NTM: variants seen among roughly 807,000 people sequenced by gnomAD.
NTM encodes neurotrimin.
In NTM, 13 loss-of-function variants were observed where a neutral mutation model predicts 42.1. The ratio of observed to expected loss-of-function variants is 0.31; its 90% CI spans 0.20 to 0.49. NTM has a LOEUF of 0.49. Ranked by LOEUF, NTM falls within the 20% of genes least tolerant of loss-of-function variation. The pLI is 0.99. For synonymous variants in NTM, 187 were observed against 179.2 expected, an observed-to-expected ratio of 1.04 and a Z score of -0.35; for missense variants, 373 against 452.8, an observed-to-expected ratio of 0.82 and a Z score of 1.60.
At chr11:131,579,663 G>T (rs2058229284) in intron 1 of NTM, among the ~76,000 whole-genome samples, 1 of 152,182 alleles carries the variant, frequency 6.6e-6, no homozygotes, top group African/African-American at 2.4e-5. Context: ...TGCTCATTTT[G>T]CTGCCAAGGA....
intron 1 of NTM, among the ~76,000 whole-genome samples, chr11:131,864,237 G>A (rs1592355110): frequency 1.3e-5 from 2 of 152,146 alleles, no homozygotes; most frequent in East Asian, 3.9e-4. Context: ...AACGAAAGAC[G>A]AAACAAATCC....
chr11:132,044,122 G>A (rs1302396321), intron 2 of NTM, among the ~76,000 whole-genome samples: 1 of 130,670 alleles, frequency 7.7e-6, no homozygotes, highest in Non-Finnish European at 1.7e-5. Flanking sequence ...GTGTATGTGT[G>A]TGTATATATG....
intron 2 of NTM, among the ~76,000 whole-genome samples, chr11:131,935,358 T>G (rs1403400703): frequency 6.6e-6 from 1 of 152,242 alleles, no homozygotes; most frequent in Non-Finnish European, 1.5e-5. Flanking sequence ...TACTTAACAC[T>G]GATTCAGAAT....
chr11:132,077,812 G>A (rs148459083), intron 2 of NTM, among the ~76,000 whole-genome samples: 101 of 152,294 alleles, frequency 6.6e-4, no homozygotes, highest in East Asian at 9.7e-4. Context: ...TGTTGCCCAT[G>A]CTGGTCTCAA....
In NTM at chr11:132,075,381, T is replaced by C. The variant is rs538260171; in HGVS notation, c.168-70901T>C. Among the ~76,000 whole-genome samples the C allele has an allele frequency of 2.0e-5, 3 of 152,366 alleles. No individual in the cohort carries two copies. In the South Asian group the frequency reaches 6.2e-4, roughly 32 times the overall value. The stretch of plus-strand genomic sequence containing the variant: ...TATTAAAATGTGAAAACATATTTTG[T>C]AAAACTAAGGTGCAACAATATTTTT... On this transcript the variant is annotated intron_variant, in intron 2 of 8. Transcript: ENST00000683400.
At chr11:132,122,097 GC>G (rs2064934874) in intron 2 of NTM, among the ~76,000 whole-genome samples, 1 of 152,216 alleles carries the variant, frequency 6.6e-6, no homozygotes, top group African/African-American at 2.4e-5. Context: ...GCGCTGAATT[GC>G]GTGTTTAGGA....
chr11:131,589,787 G>C (rs904469654), intron 1 of NTM, among the ~76,000 whole-genome samples: 9 of 152,188 alleles, frequency 5.9e-5, no homozygotes, highest in Admixed American at 5.2e-4. Context: ...TGAAAGCAAA[G>C]TTTCCAGGGC....
chr11:131,674,089 C>T (rs991388267), intron 1 of NTM, among the ~76,000 whole-genome samples: 2 of 152,190 alleles, frequency 1.3e-5, no homozygotes, highest in African/African-American at 4.8e-5. Flanking sequence ...ACACACACAG[C>T]GTAGGGTGAG....
intron 3 of NTM, among the ~76,000 whole-genome samples, chr11:132,153,085 G>A (rs1033056345): frequency 6.6e-6 from 1 of 152,182 alleles, no homozygotes; most frequent in African/African-American, 2.4e-5. Context: ...TAAGCAGTTA[G>A]GGCTCCCATG....
intron 2 of NTM, among the ~76,000 whole-genome samples, chr11:131,933,130 A>G (rs2058819365): frequency 6.6e-6 from 1 of 152,230 alleles, no homozygotes. Context: ...CGTGCCTGCT[A>G]TGAACACTCC....
intron 1 of NTM, among the ~76,000 whole-genome samples, chr11:131,787,379 A>ATTATTATTATTT (rs893222189): frequency 5.6e-5 from 8 of 142,042 alleles, no homozygotes; most frequent in Non-Finnish European, 1.1e-4. Context: ...TATTATTATT[A>ATTATTATTATTT]TTTTATTTTT....
chr11:131,658,109 A>G (rs368674638), intron 1 of NTM, among the ~76,000 whole-genome samples: 1 of 152,148 alleles, frequency 6.6e-6, no homozygotes, highest in Admixed American at 6.5e-5. Flanking sequence ...TTTTATGGGC[A>G]TATTGCTCTC....
intron 1 of NTM, among the ~76,000 whole-genome samples, chr11:131,420,902 A>G (rs1307517416): frequency 6.6e-6 from 1 of 152,062 alleles, no homozygotes; most frequent in African/African-American, 2.4e-5. Context: ...TCCATGATGT[A>G]ATGCCTCCTC....
chr11:132,144,628 G>A (rs1036512437), intron 2 of NTM, among the ~76,000 whole-genome samples: 1 of 152,200 alleles, frequency 6.6e-6, no homozygotes, highest in African/African-American at 2.4e-5. Context: ...TCAGTAGACT[G>A]GGGGTGAGAC....
At chr11:131,578,582 C>A (rs796765318) in intron 1 of NTM, among the ~76,000 whole-genome samples, 2 of 152,174 alleles carry the variant, frequency 1.3e-5, no homozygotes, top group African/African-American at 4.8e-5. Flanking sequence ...CATCATGAGG[C>A]CAGAGAGTAT....
chr11:131,536,549 A>G (rs1441215110), intron 1 of NTM: 3 of 152,236 alleles, frequency 2.0e-5, no homozygotes, highest in Non-Finnish European at 4.4e-5. Context: ...AGATTTTTAC[A>G]GTTAAGACCC....
intron 1 of NTM, among the ~76,000 whole-genome samples, chr11:131,885,333 C>T (rs1266747678): frequency 6.6e-6 from 1 of 152,226 alleles, no homozygotes; most frequent in Non-Finnish European, 1.5e-5. Context: ...GAGAACCAAT[C>T]TAGCATGGTG....
chr11:131,827,925 A>G (rs1709540913), intron 1 of NTM, among the ~76,000 whole-genome samples: 1 of 152,126 alleles, frequency 6.6e-6, no homozygotes, highest in African/African-American at 2.4e-5. Flanking sequence ...GTTGGCACAC[A>G]AACCAGTTCT....
At chr11:132,086,336 A>T (rs2136338783) in intron 2 of NTM, among the ~76,000 whole-genome samples, 1 of 151,872 alleles carries the variant, frequency 6.6e-6, no homozygotes, top group Middle Eastern at 3.4e-3. Context: ...AAAAAAAAAA[A>T]AAAAATAGTG....
Sources: gnomAD v4.1 joint callset for allele counts (sites outside exome capture counted in the v4.1 genomes callset) on GRCh38, gnomAD v4.1.1 for gene constraint, MANE v1.5 for transcripts, NCBI Gene and HGNC (gene_info 2026-07-23, HGNC 2026-07-21) for gene names.